Variants in AGTPBP1 observed in about 807,000 individuals in gnomAD.
AGTPBP1 encodes the protein cytosolic carboxypeptidase 1.
A neutral mutation model predicts 143.9 loss-of-function variants in AGTPBP1; 70 were observed. That is an observed-to-expected ratio of 0.49 (90% confidence interval 0.40 to 0.59). The LOEUF (loss-of-function observed/expected upper bound fraction) is 0.59, where lower values mean the gene tolerates loss of function less well. Ranked by LOEUF, AGTPBP1 falls within the 20% of genes least tolerant of loss-of-function variation. AGTPBP1 has a pLI of 0.00. For synonymous variants in AGTPBP1, 463 were observed against 500.2 expected, an observed-to-expected ratio of 0.93 and a Z score of 0.99; for missense variants, 1,229 against 1,464.5, an observed-to-expected ratio of 0.84 and a Z score of 2.62.
chr9:85,724,956 G>A (rs1196207559), intron 1 of AGTPBP1, among the ~76,000 whole-genome samples: 1 of 152,082 alleles, frequency 6.6e-6, no homozygotes, highest in Non-Finnish European at 1.5e-5. Flanking sequence ...TGGCAGATAC[G>A]GTATAATGGC....
chr9:85,629,470 G>C (rs1831519548), intron 14 of AGTPBP1, among the ~76,000 whole-genome samples: 1 of 152,150 alleles, frequency 6.6e-6, no homozygotes, highest in African/African-American at 2.4e-5. Context: ...GGAGAGAGAG[G>C]GAGTGAAGCT....
chr9:85,777,448 G>A, the AGTPBP1 span, among the ~76,000 whole-genome samples: 1 of 152,202 alleles, frequency 6.6e-6, no homozygotes, highest in Non-Finnish European at 1.5e-5. Context: ...AGTGGCCGTA[G>A]CCAGGTCAGC....
At chr9:85,551,687 G>A (rs952501861) in intron 25 of AGTPBP1, among the ~76,000 whole-genome samples, 2 of 152,106 alleles carry the variant, frequency 1.3e-5, no homozygotes, top group African/African-American at 4.8e-5. Flanking sequence ...ACCAATCACA[G>A]CAATTCATCT....
chr9:85,643,254 T>C (rs960208588), intron 12 of AGTPBP1, among the ~76,000 whole-genome samples: 3 of 152,208 alleles, frequency 2.0e-5, no homozygotes, highest in African/African-American at 7.2e-5. Context: ...ATATATATGA[T>C]GATGGTGATA....
chr9:85,647,967 A>G (rs988770269), intron 11 of AGTPBP1, among the ~76,000 whole-genome samples: 1 of 152,226 alleles, frequency 6.6e-6, no homozygotes, highest in African/African-American at 2.4e-5. Flanking sequence ...AGAATGGCTT[A>G]ATTCAATTTT....
chr9:85,744,413 T>C (rs1209227449), upstream of AGTPBP1, among the ~76,000 whole-genome samples: 1 of 152,190 alleles, frequency 6.6e-6, no homozygotes, highest in East Asian at 1.9e-4. Flanking sequence ...AGAAAATAAA[T>C]TATCTTCACA....
At chr9:85,565,544 G>A (rs1039416693) in intron 25 of AGTPBP1, among the ~76,000 whole-genome samples, 1 of 152,144 alleles carries the variant, frequency 6.6e-6, no homozygotes, top group African/African-American at 2.4e-5. Context: ...GGATCCAGAA[G>A]AGCACAGACA....
chr9:85,744,788 A>G (rs891639449), upstream of AGTPBP1, among the ~76,000 whole-genome samples: 1 of 152,186 alleles, frequency 6.6e-6, no homozygotes, highest in Non-Finnish European at 1.5e-5. Flanking sequence ...TGTACGAAAC[A>G]TGGGTGGGAG....
At chr9:85,720,625 A>AT (rs1046279501) in intron 1 of AGTPBP1, among the ~76,000 whole-genome samples, 8 of 151,250 alleles carry the variant, frequency 5.3e-5, no homozygotes, top group East Asian at 2.0e-4. Context: ...GGATTCATTG[A>AT]TTTTTTTAAG....
chr9:85,765,101 A>G, the AGTPBP1 span: 22 of 501,250 alleles, frequency 4.4e-5, no homozygotes, highest in African/African-American at 3.7e-4. Flanking sequence ...GCTTGACTAG[A>G]GACTGAGATA....
Position 85,609,949 on chromosome 9 carries a change from G to A in AGTPBP1, c.2335+9034C>T, listed in dbSNP as rs138487208. On this transcript the variant is annotated intron_variant, in intron 17 of 25. Transcript: ENST00000357081. ...CTAATTACAAAGAGAAGAAGGAAAT[G>A]TAGGAAAGCCACACACCTAAATAAT... 9.2e-3 allele frequency among the ~76,000 whole-genome samples: 1,397 copies of A among 152,208 alleles called. 9 individuals carry two copies. The highest frequency in any genetic ancestry group is 0.015 in the Non-Finnish European group (988 of 68,002).
At chr9:85,682,782 G>A (rs567283833) in intron 3 of AGTPBP1, among the ~76,000 whole-genome samples, 2 of 152,228 alleles carry the variant, frequency 1.3e-5, no homozygotes, top group African/African-American at 4.8e-5. Flanking sequence ...AACAAACTCA[G>A]GCTAAGCCTT....
At chr9:85,592,854 T>C in intron 18 of AGTPBP1, 150 bp from the exon 19 acceptor site, 2 of 856,430 alleles carry the variant, frequency 2.3e-6, no homozygotes, top group South Asian at 3.2e-5. Context: ...AAAAACTTAG[T>C]ACTAATAAAG....
chr9:85,680,810 G>A (rs953933736), intron 4 of AGTPBP1, among the ~76,000 whole-genome samples: 8 of 152,100 alleles, frequency 5.3e-5, no homozygotes, highest in Admixed American at 1.3e-4. Context: ...TTACACTGGC[G>A]TAGAAATTCA....
chr9:85,699,288 T>C (rs1194131012), intron 2 of AGTPBP1, among the ~76,000 whole-genome samples: 1 of 152,138 alleles, frequency 6.6e-6, no homozygotes, highest in Non-Finnish European at 1.5e-5. Context: ...CCAGCCCAAA[T>C]AAATATTTTA....
intron 2 of AGTPBP1, among the ~76,000 whole-genome samples, chr9:85,709,436 T>C (rs1238523644): frequency 6.6e-6 from 1 of 152,222 alleles, no homozygotes; most frequent in African/African-American, 2.4e-5. Flanking sequence ...GTCACCATTT[T>C]TTTAGTGATA....
At chr9:85,765,009 A>C in the AGTPBP1 span, 4 of 648,332 alleles carry the variant, frequency 6.2e-6, no homozygotes, top group Non-Finnish European at 1.1e-5. Flanking sequence ...ATAATCATAA[A>C]TATTATCTGG....
chr9:85,585,363 T>C, intron 23 of AGTPBP1, 100 bp downstream of exon 23: 2 of 1,190,162 alleles, frequency 1.7e-6, no homozygotes, highest in Non-Finnish European at 2.2e-6. Flanking sequence ...AATGGCAAAA[T>C]GTCAATATTT....
Position 85,586,980 on chromosome 9 carries a change from A to C in AGTPBP1, c.2904-20T>G. The C allele has an allele frequency of 6.2e-7, 1 of 1,613,026 alleles. No individual in the cohort carries two copies. The highest frequency in any genetic ancestry group is 2.2e-5 in the East Asian group (1 of 44,804). Reference sequence around the variant, plus strand: ...CGATGACTACATGTACATAAACACAAAGACAGAAAAACACTGGTACCCATA... The same window carrying C: ...CGATGACTACATGTACATAAACACACAGACAGAAAAACACTGGTACCCATA... On this transcript the variant is annotated intron_variant, in intron 21 of 25. Transcript: ENST00000357081.
Sources: allele counts gnomAD v4.1 joint callset (sites outside exome capture counted in the v4.1 genomes callset), GRCh38; gene constraint gnomAD v4.1.1; transcripts MANE v1.5; gene names NCBI Gene and HGNC (gene_info 2026-07-23, HGNC 2026-07-21).